Variants in CACNG2 observed in about 807,000 individuals in gnomAD.
CACNG2 encodes voltage-dependent calcium channel gamma-2 subunit.
Under a neutral mutation model 25.9 loss-of-function variants are expected in CACNG2, and 3 were observed. The observed-to-expected ratio is 0.12, with a 90% CI of 0.05 to 0.30. CACNG2 has a LOEUF of 0.30. Among genes scored for constraint, CACNG2 ranks in the 10% least tolerant of loss-of-function variants. The pLI is 1.00. For missense variants in CACNG2, 341 were observed against 432.5 expected (o/e 0.79, Z 1.88); for synonymous variants, 167 against 173.3 (o/e 0.96, Z 0.29).
At chr22:36,617,690 G>A (rs752582054) in intron 1 of CACNG2, among the ~76,000 whole-genome samples, 3 of 149,330 alleles carry the variant, frequency 2.0e-5, no homozygotes, top group Non-Finnish European at 4.4e-5. Context: ...AAGGCAATGT[G>A]GTGTGATGGG....
At chr22:36,590,438 T>G (rs1435499312) in intron 1 of CACNG2, among the ~76,000 whole-genome samples, 3 of 152,158 alleles carry the variant, frequency 2.0e-5, no homozygotes, top group Non-Finnish European at 4.4e-5. Flanking sequence ...CGAATGCTTC[T>G]CCAGGGTTCC....
At chr22:36,678,644 C>T (rs1937046980) in intron 1 of CACNG2, among the ~76,000 whole-genome samples, 1 of 150,656 alleles carries the variant, frequency 6.6e-6, no homozygotes, top group African/African-American at 2.5e-5. Context: ...ACAGCTCCCA[C>T]ACTACGGATA....
intron 1 of CACNG2, among the ~76,000 whole-genome samples, chr22:36,679,197 C>CCTTCCTTTCTTTCTTTCTTTCTTTCTTT (rs1491420417): frequency 4.2e-4 from 23 of 54,822 alleles, no homozygotes; most frequent in African/African-American, 1.5e-3. Flanking sequence ...TTCCTTCCTT[C>CCTTCCTTTCTTTCTTTCTTTCTTTCTTT]CTTTCTTTCT....
intron 1 of CACNG2, among the ~76,000 whole-genome samples, chr22:36,681,071 C>A (rs535692801): frequency 6.6e-6 from 1 of 152,146 alleles, no homozygotes; most frequent in Non-Finnish European, 1.5e-5. Context: ...ATCTTTTTCA[C>A]GAGTAAGTTA....
chr22:36,664,203 T>G (rs1476370628), intron 1 of CACNG2, among the ~76,000 whole-genome samples: 1 of 151,810 alleles, frequency 6.6e-6, no homozygotes, highest in East Asian at 1.9e-4. Context: ...ATAGTAAGGA[T>G]TTAAGAGCCA....
At chr22:36,678,901 C>T (rs1006517303) in intron 1 of CACNG2, among the ~76,000 whole-genome samples, 5 of 152,138 alleles carry the variant, frequency 3.3e-5, no homozygotes, top group East Asian at 1.9e-4. Flanking sequence ...CATCGCACAC[C>T]GTCTTCCCAA....
At chr22:36,592,747 C>T (rs1188976044) in intron 1 of CACNG2, among the ~76,000 whole-genome samples, 1 of 152,164 alleles carries the variant, frequency 6.6e-6, no homozygotes, top group African/African-American at 2.4e-5. Context: ...ACCAGATGCT[C>T]CCCAAGCTTC....
intron 1 of CACNG2, among the ~76,000 whole-genome samples, chr22:36,662,647 C>A (rs572764232): frequency 1.3e-5 from 2 of 152,304 alleles, no homozygotes; most frequent in Admixed American, 1.3e-4. Flanking sequence ...TAAGCACTAT[C>A]GGTAGGTTCT....
intron 1 of CACNG2, among the ~76,000 whole-genome samples, chr22:36,653,960 T>TTG (rs140752261): frequency 2.4e-3 from 296 of 124,184 alleles, no homozygotes; most frequent in South Asian, 0.01. Context: ...TACAGTGTGT[T>TTG]TGTGTGTGTG....
intron 1 of CACNG2, among the ~76,000 whole-genome samples, chr22:36,656,139 T>G (rs1166554510): frequency 6.6e-6 from 1 of 152,142 alleles, no homozygotes; most frequent in Non-Finnish European, 1.5e-5. Context: ...TTTAGGTTCA[T>G]AACCAAGGGC....
chr22:36,700,100 G>T (rs1007015694), intron 1 of CACNG2, among the ~76,000 whole-genome samples: 1 of 152,250 alleles, frequency 6.6e-6, no homozygotes. Flanking sequence ...GGGGTAGTGA[G>T]GCCCCGCTGG....
In CACNG2 at chr22:36,655,764, TTCTC is replaced by T. The variant is rs1029076266; in HGVS notation, c.211+46598_211+46601del. Among the ~76,000 whole-genome samples the T allele has an allele frequency of 9.4e-5, 14 of 148,514 alleles. No homozygotes were observed. In the East Asian group the frequency reaches 2.3e-3, roughly 25 times the overall value. On this transcript the variant is annotated intron_variant, in intron 1 of 3. Transcript: ENST00000300105. ...TTCCTTTCTTCCTTTCTTTCTTTCT[TTCTC>T]TTTCTTTCCTTCCTTCCTTCCTTCC...
rs1935071793 is a variant in CACNG2, at chr22:36,563,848, A to G, written c.*503T>C. Reference sequence around the variant, plus strand: ...GAAAAGTAACTCTCCCCGAGTTAAAAAAAAAAAAAAAAAGTAACATAAACC... The same window carrying G: ...GAAAAGTAACTCTCCCCGAGTTAAAGAAAAAAAAAAAAAGTAACATAAACC... On this transcript the variant is annotated 3_prime_UTR_variant, in exon 4 of 4. Coordinates refer to ENST00000300105, the MANE Select transcript of CACNG2 (RefSeq NM_006078.5). 6.6e-6 allele frequency: 1 copy of G among 150,476 alleles called. No individual in the cohort carries two copies. The highest frequency in any genetic ancestry group is 1.5e-5 in the Non-Finnish European group (1 of 67,478). 9.3% of individuals were successfully genotyped at this position (150,476 alleles called of 1,614,324 possible).
At chr22:36,667,936 T>C (rs568164631) in intron 1 of CACNG2, among the ~76,000 whole-genome samples, 134 of 152,360 alleles carry the variant, frequency 8.8e-4, no homozygotes, top group African/African-American at 3.0e-3. Flanking sequence ...TCTTCAAGGA[T>C]AATGTTCACC....
At chr22:36,607,098 G>C (rs1281908767) in intron 1 of CACNG2, among the ~76,000 whole-genome samples, 1 of 152,134 alleles carries the variant, frequency 6.6e-6, no homozygotes, top group East Asian at 1.9e-4. Context: ...AGATCTGTTT[G>C]CCCTGGTGGC....
chr22:36,595,840 A>G (rs905820795), intron 1 of CACNG2, among the ~76,000 whole-genome samples: 1 of 152,218 alleles, frequency 6.6e-6, no homozygotes, highest in Non-Finnish European at 1.5e-5. Context: ...GAGTGAGTTC[A>G]GGCCCCGCTG....
intron 1 of CACNG2, among the ~76,000 whole-genome samples, chr22:36,674,018 C>T (rs973829731): frequency 2.0e-5 from 3 of 152,190 alleles, no homozygotes; most frequent in South Asian, 4.1e-4. Context: ...CGCGGGCAGC[C>T]GTCCCTCCCG....
chr22:36,625,371 T>C (rs1216966449), intron 1 of CACNG2, among the ~76,000 whole-genome samples: 1 of 152,192 alleles, frequency 6.6e-6, no homozygotes, highest in African/African-American at 2.4e-5. Flanking sequence ...GATCACATTC[T>C]GCCTTGAGGT....
chr22:36,643,313 T>G (rs1936470219), intron 1 of CACNG2, among the ~76,000 whole-genome samples: 1 of 151,582 alleles, frequency 6.6e-6, no homozygotes, highest in African/African-American at 2.4e-5. Flanking sequence ...TCCTTCCTTC[T>G]CTCTCTCTTT....
Sources: gnomAD v4.1 joint callset for allele counts (sites outside exome capture counted in the v4.1 genomes callset) on GRCh38, gnomAD v4.1.1 for gene constraint, MANE v1.5 for transcripts, NCBI Gene and HGNC (gene_info 2026-07-23, HGNC 2026-07-21) for gene names.